Variants in YTHDF2 observed in about 807,000 individuals in gnomAD.
The protein encoded by YTHDF2 is YTH N6-methyladenosine RNA binding protein F2.
A neutral mutation model predicts 50.4 loss-of-function variants in YTHDF2; 2 were observed. That is an observed-to-expected ratio of 0.04 (90% CI 0.02 to 0.12). The LOEUF (loss-of-function observed/expected upper bound fraction) is 0.12, where lower values mean the gene tolerates loss of function less well. Ranked by LOEUF, YTHDF2 falls within the 10% of genes least tolerant of loss-of-function variation. YTHDF2 has a pLI of 1.00. For missense variants in YTHDF2, 483 were observed against 722.6 expected, an observed-to-expected ratio of 0.67 and a Z score of 3.80; for synonymous variants, 217 against 255.6, an observed-to-expected ratio of 0.85 and a Z score of 1.44.
chr1:28,740,094 A>G (rs138211656), intron 3 of YTHDF2, among the ~76,000 whole-genome samples: 32 of 152,368 alleles, frequency 2.1e-4, no homozygotes, highest in African/African-American at 7.2e-4. Context: ...TATAGAAACC[A>G]CTTGAGCAAG....
chr1:28,750,540 T>C (rs187290767), intron 4 of YTHDF2, among the ~76,000 whole-genome samples: 1 of 152,138 alleles, frequency 6.6e-6, no homozygotes, highest in Non-Finnish European at 1.5e-5. Context: ...CAGGATAACA[T>C]TTCAGGTTTG....
At chr1:28,739,011 A>G (rs918695695) in intron 3 of YTHDF2, 1 of 152,222 alleles carries the variant, frequency 6.6e-6, no homozygotes, top group Non-Finnish European at 1.5e-5. Context: ...AGGGATTCTT[A>G]CAGTGTTAAA....
intron 4 of YTHDF2, among the ~76,000 whole-genome samples, chr1:28,749,986 G>GGTTTTTTTT (rs762743600): frequency 1.3e-5 from 1 of 78,332 alleles, no homozygotes; most frequent in Non-Finnish European, 2.2e-5. Context: ...AAAAAAGGTT[G>GGTTTTTTTT]TTTTTTTTTT....
intron 4 of YTHDF2, among the ~76,000 whole-genome samples, chr1:28,763,658 T>C (rs2088167854): frequency 6.6e-6 from 1 of 151,958 alleles, no homozygotes; most frequent in South Asian, 2.1e-4. Context: ...GGTTTCACCA[T>C]GTTAGCCAGG....
At chr1:28,766,834 C>CT (rs2088226706) in intron 4 of YTHDF2, among the ~76,000 whole-genome samples, 1 of 150,294 alleles carries the variant, frequency 6.7e-6, no homozygotes, top group Non-Finnish European at 1.5e-5. Flanking sequence ...ACTTTTCCTT[C>CT]TCTTTTTTTT....
At chr1:28,757,102 T>A (rs1326896125) in intron 4 of YTHDF2, among the ~76,000 whole-genome samples, 1 of 152,242 alleles carries the variant, frequency 6.6e-6, no homozygotes, top group Non-Finnish European at 1.5e-5. Flanking sequence ...CTAATGCTTT[T>A]CATTCCTTGC....
At chr1:28,737,717 A>G (rs761097941) in intron 2 of YTHDF2, 35 bp downstream of exon 2, 3 of 1,442,514 alleles carry the variant, frequency 2.1e-6, no homozygotes, top group Non-Finnish European at 2.9e-6. Flanking sequence ...CTGAGCCGGG[A>G]GGGGGACGCG....
chr1:28,749,986 G>GTTTTTT lies in YTHDF2; in HGVS notation c.1716+6016_1716+6021dup, dbSNP rs371730633. Among the ~76,000 whole-genome samples the GTTTTTT allele has an allele frequency of 3.2e-3, 247 of 78,288 alleles. 3 individuals are homozygous for GTTTTTT. Among genetic ancestry groups the GTTTTTT allele is most frequent in the Middle Eastern group, 0.011 (1 of 92 alleles). The allele number at this position is 78,288 out of a possible 152,430, so 51.4% of individuals were successfully genotyped here. ...ATTGAAATTTTTGAAAAAAAAGGTT[G>GTTTTTT]TTTTTTTTTTTTTTTTTTTTTGAGA... On this transcript the variant is annotated intron_variant, in intron 4 of 4. Transcript: ENST00000373812.
Position 28,756,033 on chromosome 1 carries a change from T to C in YTHDF2, c.1716+12047T>C, listed in dbSNP as rs141340924. On this transcript the variant is annotated intron_variant, in intron 4 of 4. Transcript: ENST00000373812. ...TGATGTCTGTTGAATAAAAAGTTGC[T>C]TTGCTATTAGAGACTTGAAAGTTTT... Among the ~76,000 whole-genome samples the C allele has an allele frequency of 3.9e-5, 6 of 152,270 alleles. No individual in the cohort carries two copies. In the East Asian group the frequency reaches 1.2e-3, roughly 29 times the overall value.
At chr1:28,757,008 C>A (rs923478033) in intron 4 of YTHDF2, among the ~76,000 whole-genome samples, 3 of 152,190 alleles carry the variant, frequency 2.0e-5, no homozygotes, top group African/African-American at 7.2e-5. Flanking sequence ...TTCTCCTACA[C>A]AAAGCAGGTA....
chr1:28,737,226 G>C, intron 1 of YTHDF2, 79 bp downstream of exon 1: 1 of 1,489,776 alleles, frequency 6.7e-7, no homozygotes, highest in South Asian at 1.3e-5. Flanking sequence ...GCCGCTCCTG[G>C]GCAGGCCGAG....
intron 4 of YTHDF2, among the ~76,000 whole-genome samples, chr1:28,767,607 C>T (rs2088237521): frequency 6.6e-6 from 1 of 152,090 alleles, no homozygotes; most frequent in African/African-American, 2.4e-5. Flanking sequence ...CTTCCGGGTT[C>T]ACGCCATTCT....
At chr1:28,765,066 C>A (rs2088196615) in intron 4 of YTHDF2, among the ~76,000 whole-genome samples, 1 of 152,092 alleles carries the variant, frequency 6.6e-6, no homozygotes, top group Non-Finnish European at 1.5e-5. Flanking sequence ...TCACCTGTTA[C>A]CCAGGCTGGA....
intron 4 of YTHDF2, among the ~76,000 whole-genome samples, chr1:28,767,121 G>T (rs1014119701): frequency 1.3e-5 from 2 of 151,846 alleles, no homozygotes. Context: ...GGGATTACAG[G>T]TGTGAGCCAC....
chr1:28,761,098 C>T (rs1299704648), intron 4 of YTHDF2, among the ~76,000 whole-genome samples: 3 of 139,212 alleles, frequency 2.2e-5, no homozygotes, highest in Admixed American at 7.3e-5. Flanking sequence ...GTCATTATAT[C>T]GTGCATGAGT....
At chr1:28,761,417 T>C (rs1441397624) in intron 4 of YTHDF2, among the ~76,000 whole-genome samples, 1 of 151,936 alleles carries the variant, frequency 6.6e-6, no homozygotes, top group African/African-American at 2.4e-5. Context: ...GGATTCCAGG[T>C]GTGAGCCACC....
intron 4 of YTHDF2, among the ~76,000 whole-genome samples, chr1:28,751,138 A>G (rs1406666243): frequency 7.0e-6 from 1 of 143,676 alleles, no homozygotes; most frequent in Non-Finnish European, 1.5e-5. Context: ...CACGCTAGTA[A>G]TCCCAGCTAC....
chr1:28,749,213 T>G, intron 4 of YTHDF2, among the ~76,000 whole-genome samples: 1 of 131,420 alleles, frequency 7.6e-6, no homozygotes, highest in Admixed American at 9.0e-5. Context: ...GATACGGGAG[T>G]CTCAGTCTCG....
chr1:28,759,019 T>G (rs1198362643), intron 4 of YTHDF2, among the ~76,000 whole-genome samples: 1 of 152,174 alleles, frequency 6.6e-6, no homozygotes, highest in African/African-American at 2.4e-5. Context: ...TCTTGTAGGA[T>G]TAGAAATGAT....
Sources: allele counts gnomAD v4.1 joint callset (sites outside exome capture counted in the v4.1 genomes callset), GRCh38; gene constraint gnomAD v4.1.1; transcripts MANE v1.5; gene names NCBI Gene and HGNC (gene_info 2026-07-23, HGNC 2026-07-21).